ZNF469: variants seen among roughly 807,000 people sequenced by gnomAD.
ZNF469 encodes the protein zinc finger protein 469.
ZNF469 carries 1 observed loss-of-function variant against 1.0 expected under a neutral mutation model. The observed-to-expected ratio is 1.00, with a 90% CI of 0.35 to 4.73. ZNF469 has a LOEUF of 4.73. Among genes scored for constraint, ZNF469 ranks in the 30% most tolerant of loss-of-function variants. The pLI is 0.16. For synonymous variants in ZNF469, 2,703 were observed against 2,363.4 expected, an observed-to-expected ratio of 1.14 and a Z score of -4.17; for missense variants, 6,100 against 5,356.3, an observed-to-expected ratio of 1.14 and a Z score of -4.33.
At chr16:88,291,144 G>T in the ZNF469 span, among the ~76,000 whole-genome samples, 1 of 152,174 alleles carries the variant, frequency 6.6e-6, no homozygotes, top group South Asian at 2.1e-4. Flanking sequence ...AGATGGGGCA[G>T]TCCGGGCTCC....
At chr16:88,422,252 T>C (rs1220913837) in intron 1 of ZNF469, among the ~76,000 whole-genome samples, 1 of 135,294 alleles carries the variant, frequency 7.4e-6, no homozygotes, top group African/African-American at 2.9e-5. Flanking sequence ...GGTAGAAGCA[T>C]GGATGGATGG....
At chr16:88,194,045 C>T in the ZNF469 span, among the ~76,000 whole-genome samples, 26 of 152,322 alleles carry the variant, frequency 1.7e-4, no homozygotes, top group African/African-American at 3.1e-4. Flanking sequence ...CAGCGTGGCC[C>T]GGCACCTGCA....
At chr16:88,112,328 G>A in the ZNF469 span, among the ~76,000 whole-genome samples, 2 of 152,184 alleles carry the variant, frequency 1.3e-5, no homozygotes, top group African/African-American at 4.8e-5. Context: ...TCCTATGGTA[G>A]CTCAATTTGT....
chr16:88,403,624 G>A (rs1218275628), intron 1 of ZNF469, among the ~76,000 whole-genome samples: 1 of 152,238 alleles, frequency 6.6e-6, no homozygotes. Flanking sequence ...CTGGGACAGG[G>A]AGCAGGGCCT....
the ZNF469 span, among the ~76,000 whole-genome samples, chr16:88,345,332 G>A: frequency 6.6e-6 from 1 of 152,234 alleles, no homozygotes; most frequent in Non-Finnish European, 1.5e-5. Context: ...GAGCACCTGA[G>A]GCCTGGGTAG....
At chr16:88,117,979 G>T in the ZNF469 span, among the ~76,000 whole-genome samples, 9 of 152,364 alleles carry the variant, frequency 5.9e-5, no homozygotes, top group African/African-American at 1.7e-4. Context: ...GTCTCGCTCT[G>T]TCGCCCAGGC....
chr16:88,417,296 C>T (rs60813441), intron 1 of ZNF469, among the ~76,000 whole-genome samples: 5,896 of 152,236 alleles, frequency 0.039, 394 homozygotes, highest in African/African-American at 0.14. Flanking sequence ...GCACACTGAC[C>T]GAGTCACCCT....
the ZNF469 span, among the ~76,000 whole-genome samples, chr16:88,134,658 C>T: frequency 1.3e-5 from 2 of 152,198 alleles, no homozygotes; most frequent in Non-Finnish European, 1.5e-5. Flanking sequence ...ATCTGCCGAC[C>T]CCGTGTGGGT....
At chr16:88,242,886 G>A in the ZNF469 span, among the ~76,000 whole-genome samples, 3 of 152,240 alleles carry the variant, frequency 2.0e-5, no homozygotes, top group Non-Finnish European at 2.9e-5. Context: ...CAGGGCTTCG[G>A]AAGGAGCTAG....
At chr16:88,380,399 T>TCA (rs150160422), upstream of ZNF469, among the ~76,000 whole-genome samples, 45,467 of 105,442 alleles carry the variant, frequency 0.43, 13,289 homozygotes, top group African/African-American at 0.8. Flanking sequence ...AGACACGCCC[T>TCA]CACACAGACA....
At chr16:88,391,150 C>T (rs562603411) in intron 1 of ZNF469, among the ~76,000 whole-genome samples, 1 of 152,346 alleles carries the variant, frequency 6.6e-6, no homozygotes, top group South Asian at 2.1e-4. Flanking sequence ...CCAAGTCCCC[C>T]GCAGCCTCAG....
chr16:88,431,182 AG>A lies in ZNF469; in HGVS notation c.3713del (p.Ser1238ThrfsTer26), dbSNP rs1481878126. ...PETAEESAPD[S>X]TEFTEALRSP... ...AACTGCCGAAGAGTCAGCCCCGGAC[AG>A]CACAGAATTCACAGAGGCTTTGCGT... On this transcript the variant is annotated frameshift_variant, in exon 3 of 3. Transcript: ENST00000565624. LOFTEE classifies it low-confidence loss of function (END_TRUNC). 6.5e-7 allele frequency: 1 copy of A among 1,550,220 alleles called. No homozygotes were observed. The highest frequency in any genetic ancestry group is 1.4e-5 in the African/African-American group (1 of 73,046).
the ZNF469 span, among the ~76,000 whole-genome samples, chr16:88,216,851 T>A: frequency 6.6e-6 from 1 of 152,152 alleles, no homozygotes; most frequent in Non-Finnish European, 1.5e-5. Flanking sequence ...TGCTTCAGTT[T>A]GCTTATGTTC....
At chr16:88,325,816 T>C in the ZNF469 span, among the ~76,000 whole-genome samples, 2 of 152,024 alleles carry the variant, frequency 1.3e-5, no homozygotes, top group Middle Eastern at 3.2e-3. Context: ...TTCCTCCCTT[T>C]CCTCCTTCCT....
the ZNF469 span, among the ~76,000 whole-genome samples, chr16:88,161,949 C>G: frequency 4.6e-5 from 7 of 152,184 alleles, no homozygotes; most frequent in Admixed American, 6.5e-5. Flanking sequence ...GCCGTTGAGA[C>G]AGCCTATGAT....
chr16:88,185,799 TCG>T, the ZNF469 span, among the ~76,000 whole-genome samples: 27 of 139,904 alleles, frequency 1.9e-4, no homozygotes, highest in African/African-American at 6.4e-4. Context: ...AATATAGTAC[TCG>T]CACACACACG....
the ZNF469 span, among the ~76,000 whole-genome samples, chr16:88,228,995 T>G: frequency 2.0e-5 from 3 of 152,140 alleles, no homozygotes; most frequent in African/African-American, 7.2e-5. Flanking sequence ...TCACCGTCCT[T>G]GTCAAGGTAA....
chr16:88,290,652 C>T, the ZNF469 span, among the ~76,000 whole-genome samples: 30 of 152,306 alleles, frequency 2.0e-4, no homozygotes, highest in African/African-American at 7.0e-4. Flanking sequence ...TATTGGGTCC[C>T]ATCTATTCAT....
chr16:88,263,471 G>A, the ZNF469 span, among the ~76,000 whole-genome samples: 1 of 152,204 alleles, frequency 6.6e-6, no homozygotes, highest in African/African-American at 2.4e-5. Flanking sequence ...GAGATGTTCT[G>A]TGCCAACGTG....
Sources: allele counts gnomAD v4.1 joint callset (sites outside exome capture counted in the v4.1 genomes callset), GRCh38; gene constraint gnomAD v4.1.1; transcripts MANE v1.5; gene names NCBI Gene and HGNC (gene_info 2026-07-23, HGNC 2026-07-21).